The following KIAA1671 variants were observed in gnomAD, a reference collection of about 807,000 sequenced individuals.
KIAA1671 encodes uncharacterized protein KIAA1671.
KIAA1671 carries 52 observed loss-of-function variants against 131.2 expected under a neutral mutation model. The ratio of observed to expected loss-of-function variants is 0.40; its 90% CI spans 0.32 to 0.50. The LOEUF is 0.50. Among genes scored for constraint, KIAA1671 ranks in the 20% least tolerant of loss-of-function variants. The pLI, the probability that KIAA1671 is intolerant of heterozygous loss-of-function variation, is 0.73. For synonymous variants in KIAA1671, 1,003 were observed against 961.6 expected (o/e 1.04, Z -0.80); for missense variants, 2,360 against 2,364.2 (o/e 1.00, Z 0.04).
At chr22:25,076,542 A>G (rs1339392697) in intron 6 of KIAA1671, among the ~76,000 whole-genome samples, 2 of 152,172 alleles carry the variant, frequency 1.3e-5, no homozygotes, top group Admixed American at 6.5e-5. Flanking sequence ...TGGTCCAGCA[A>G]CAGTTGGGGC....
At chr22:25,163,325 C>CCTCAAAT (rs1933513875) in intron 6 of KIAA1671, among the ~76,000 whole-genome samples, 1 of 115,836 alleles carries the variant, frequency 8.6e-6, no homozygotes, top group Non-Finnish European at 1.7e-5. Context: ...TGAGACATTG[C>CCTCAAAT]CTCAAATTTT....
At chr22:24,981,198 G>A (rs1299321754) in intron 1 of KIAA1671, among the ~76,000 whole-genome samples, 5 of 152,030 alleles carry the variant, frequency 3.3e-5, no homozygotes, top group African/African-American at 2.4e-5. Flanking sequence ...CTGAGGTGCC[G>A]GGCAGGGGCT....
intron 6 of KIAA1671, among the ~76,000 whole-genome samples, chr22:25,077,115 T>C (rs555722582): frequency 2.0e-5 from 3 of 152,182 alleles, no homozygotes; most frequent in Non-Finnish European, 4.4e-5. Context: ...AAGCTTTCTA[T>C]GCATATCAAG....
intron 6 of KIAA1671, among the ~76,000 whole-genome samples, chr22:25,168,657 C>T (rs1393077967): frequency 6.6e-6 from 1 of 151,730 alleles, no homozygotes; most frequent in Non-Finnish European, 1.5e-5. Context: ...TGCACCACTG[C>T]ACTCCAGCCT....
At chr22:24,970,754 C>T (rs1346713839) in intron 1 of KIAA1671, among the ~76,000 whole-genome samples, 1 of 134,054 alleles carries the variant, frequency 7.5e-6, no homozygotes. Flanking sequence ...AAACAAAACT[C>T]ATAACATTTT....
chr22:24,953,600 G>C (rs1921535610), intron 1 of KIAA1671, among the ~76,000 whole-genome samples: 1 of 151,996 alleles, frequency 6.6e-6, no homozygotes, highest in African/African-American at 2.4e-5. Flanking sequence ...TGGCGGCGCG[G>C]CCCACCCGGG....
At chr22:25,179,459 C>A in intron 9 of KIAA1671, 2 of 1,613,214 alleles carry the variant, frequency 1.2e-6, no homozygotes, top group Admixed American at 1.7e-5. Context: ...CTCCGCCTGG[C>A]GGCTGAAGTT....
chr22:25,043,465 C>T (rs1196029060), intron 5 of KIAA1671, among the ~76,000 whole-genome samples: 1 of 152,178 alleles, frequency 6.6e-6, no homozygotes, highest in Non-Finnish European at 1.5e-5. Flanking sequence ...GTATTTGAAC[C>T]CAAATCTGGC....
intron 4 of KIAA1671, among the ~76,000 whole-genome samples, chr22:25,037,582 A>T (rs995784127): frequency 6.6e-6 from 1 of 152,058 alleles, no homozygotes; most frequent in African/African-American, 2.4e-5. Context: ...TTTCAGTATT[A>T]TGTAAGCATC....
intron 6 of KIAA1671, among the ~76,000 whole-genome samples, chr22:25,072,714 G>A (rs544274083): frequency 2.0e-5 from 3 of 152,254 alleles, no homozygotes; most frequent in South Asian, 2.1e-4. Context: ...TCTGCAAAGC[G>A]AGGCCCCGCT....
At chr22:24,990,246 A>G (rs1223376560) in intron 1 of KIAA1671, among the ~76,000 whole-genome samples, 1 of 152,034 alleles carries the variant, frequency 6.6e-6, no homozygotes, top group Non-Finnish European at 1.5e-5. Flanking sequence ...ACCCGCCATC[A>G]TCCCTGGCTA....
chr22:25,155,090 A>C (rs571411141), intron 6 of KIAA1671, among the ~76,000 whole-genome samples: 1 of 152,264 alleles, frequency 6.6e-6, no homozygotes, highest in African/African-American at 2.4e-5. Flanking sequence ...ACTTTGATTA[A>C]TCAGCGGACC....
Position 24,979,353 on chromosome 22 carries a change from TA to T in KIAA1671, c.-208+26582del, listed in dbSNP as rs371749224. Among the ~76,000 whole-genome samples, 337 of 135,846 alleles carry T rather than the reference TA, an allele frequency of 2.5e-3. 3 individuals carry two copies. Among genetic ancestry groups the T allele is most frequent in the East Asian group, 5.2e-3 (21 of 4,016 alleles). 89.1% of individuals were successfully genotyped at this position (135,846 alleles called of 152,430 possible). On this transcript the variant is annotated intron_variant, in intron 1 of 12. Coordinates refer to ENST00000358431, the MANE Select transcript of KIAA1671 (RefSeq NM_001145206.2). ...AATTTATTTTATTTATTTATTTATT[TA>T]TTTATTTTTTTTTGAGACGGAGTCT...
intron 6 of KIAA1671, among the ~76,000 whole-genome samples, chr22:25,104,449 G>C (rs1362882954): frequency 1.3e-5 from 2 of 152,170 alleles, no homozygotes; most frequent in Non-Finnish European, 2.9e-5. Flanking sequence ...AGGAGGGGAA[G>C]GCAGCTGTAG....
chr22:25,006,735 GT>G (rs1924769924), intron 1 of KIAA1671, among the ~76,000 whole-genome samples: 2 of 152,144 alleles, frequency 1.3e-5, no homozygotes, highest in Admixed American at 1.3e-4. Context: ...TGCCTTTTCT[GT>G]TTTCTAGAGG....
intron 6 of KIAA1671, among the ~76,000 whole-genome samples, chr22:25,164,406 T>G (rs1933567641): frequency 6.6e-6 from 1 of 152,192 alleles, no homozygotes; most frequent in South Asian, 2.1e-4. Flanking sequence ...AGGTGTACAT[T>G]ACAGTATTCA....
chr22:25,182,761 C>T (rs142545208), intron 10 of KIAA1671, among the ~76,000 whole-genome samples: 88 of 152,302 alleles, frequency 5.8e-4, no homozygotes, highest in African/African-American at 2.0e-3. Flanking sequence ...CAACTGGTGA[C>T]GCTCACCAGT....
chr22:24,983,664 C>T (rs1923348888), intron 1 of KIAA1671, among the ~76,000 whole-genome samples: 1 of 122,548 alleles, frequency 8.2e-6, no homozygotes, highest in Admixed American at 1.1e-4. Context: ...ACAGCTTGCG[C>T]TAGGGCTTTC....
intron 1 of KIAA1671, among the ~76,000 whole-genome samples, chr22:24,992,712 G>C (rs1004658836): frequency 6.8e-6 from 1 of 147,830 alleles, no homozygotes; most frequent in East Asian, 2.0e-4. Context: ...CTACTCAGGA[G>C]ACTGAGGCAG....
Sources: allele counts gnomAD v4.1 joint callset (sites outside exome capture counted in the v4.1 genomes callset), GRCh38; gene constraint gnomAD v4.1.1; transcripts MANE v1.5; gene names NCBI Gene and HGNC (gene_info 2026-07-23, HGNC 2026-07-21).